Variants in SNAP25 observed in about 807,000 individuals in gnomAD.
SNAP25 encodes synaptosomal-associated protein 25.
Under a neutral mutation model 28.7 loss-of-function variants are expected in SNAP25, and 3 were observed. The observed-to-expected ratio is 0.10, with a 90% CI of 0.05 to 0.27. SNAP25 has a LOEUF of 0.27. Among genes scored for constraint, SNAP25 ranks in the 10% least tolerant of loss-of-function variants. The pLI, the probability that SNAP25 is intolerant of heterozygous loss-of-function variation, is 1.00. For missense variants in SNAP25, 117 were observed against 278.7 expected, an observed-to-expected ratio of 0.42 and a Z score of 4.13; for synonymous variants, 61 against 88.1, an observed-to-expected ratio of 0.69 and a Z score of 1.72.
chr20:10,292,608 T>C (rs2064022871), intron 4 of SNAP25, among the ~76,000 whole-genome samples: 1 of 152,156 alleles, frequency 6.6e-6, no homozygotes, highest in South Asian at 2.1e-4. Context: ...AGTAAGCGAA[T>C]ATGCTGTGCT....
At chr20:10,283,666 ATCTC>A (rs1290007802) in intron 3 of SNAP25, among the ~76,000 whole-genome samples, 1 of 152,248 alleles carries the variant, frequency 6.6e-6, no homozygotes, top group African/African-American at 2.4e-5. Flanking sequence ...CTCCACTAGT[ATCTC>A]TCTCTTTCTT....
At position 10,290,414 on chromosome 20, in the gene SNAP25, A is replaced by G. The variant is rs362589; in HGVS notation, c.164-2747A>G. Among the ~76,000 whole-genome samples the G allele has an allele frequency of 9.3e-3, 1,410 of 152,260 alleles. 35 individuals carry two copies. Among genetic ancestry groups the G allele is most frequent in the African/African-American group, 0.032 (1,315 of 41,554 alleles). On this transcript the variant is annotated intron_variant, in intron 4 of 7. Coordinates refer to ENST00000254976, the MANE Select transcript of SNAP25 (RefSeq NM_130811.4). ...TTTTCTGAATCAAATTCAGCTTCAGAGTTTTCTCTTTTAGTCAAAACTTTG... is the reference window on the plus strand; with the variant it reads ...TTTTCTGAATCAAATTCAGCTTCAGGGTTTTCTCTTTTAGTCAAAACTTTG...
chr20:10,254,050 A>G (rs998044326), intron 1 of SNAP25, among the ~76,000 whole-genome samples: 5 of 152,080 alleles, frequency 3.3e-5, no homozygotes, highest in African/African-American at 1.2e-4. Flanking sequence ...GAGCTACAAG[A>G]TTTATCCCCG....
chr20:10,260,969 A>C (rs1482781176), intron 1 of SNAP25, among the ~76,000 whole-genome samples: 2 of 152,182 alleles, frequency 1.3e-5, no homozygotes, highest in Non-Finnish European at 2.9e-5. Flanking sequence ...CTATCCTAGA[A>C]GTCTGTATCT....
chr20:10,300,689 TA>T (rs1325185324), intron 7 of SNAP25, among the ~76,000 whole-genome samples: 1 of 152,214 alleles, frequency 6.6e-6, no homozygotes, highest in Non-Finnish European at 1.5e-5. Flanking sequence ...TACTCCATGT[TA>T]AAAATATCTG....
chr20:10,250,997 G>A (rs560050425), intron 1 of SNAP25, among the ~76,000 whole-genome samples: 3 of 152,108 alleles, frequency 2.0e-5, no homozygotes, highest in Non-Finnish European at 4.4e-5. Context: ...TTTACACAAC[G>A]ATGAAATCAC....
At chr20:10,265,805 C>G (rs2063496809) in intron 1 of SNAP25, among the ~76,000 whole-genome samples, 1 of 152,140 alleles carries the variant, frequency 6.6e-6, no homozygotes, top group South Asian at 2.1e-4. Context: ...CACCTACCAG[C>G]CTAATATGGA....
rs200478757 is a variant in SNAP25, at chr20:10,301,855, TAACTA to T, written c.552+2444_552+2448del. ...TAATAACCTTATATATATAAATAAA[TAACTA>T]TATATATTATATAATATATAATATA... is the stretch of plus-strand genomic sequence containing the variant. On this transcript the variant is annotated intron_variant, in intron 7 of 7. Coordinates refer to ENST00000254976, the MANE Select transcript of SNAP25 (RefSeq NM_130811.4). Among the ~76,000 whole-genome samples, 573 of 145,654 alleles carry T rather than the reference TAACTA, an allele frequency of 3.9e-3. 3 individuals are homozygous for T. The highest frequency in any genetic ancestry group is 0.014 in the African/African-American group (545 of 39,434).
chr20:10,227,619 G>T (rs2062757278), intron 1 of SNAP25, among the ~76,000 whole-genome samples: 1 of 152,074 alleles, frequency 6.6e-6, no homozygotes, highest in Admixed American at 6.6e-5. Flanking sequence ...CTAATCTGTT[G>T]TTTTATCACT....
chr20:10,232,638 A>G (rs1011284246), intron 1 of SNAP25, among the ~76,000 whole-genome samples: 1 of 152,194 alleles, frequency 6.6e-6, no homozygotes, highest in Non-Finnish European at 1.5e-5. Flanking sequence ...TTGTGCCTCC[A>G]CCATAGACTA....
intron 1 of SNAP25, among the ~76,000 whole-genome samples, chr20:10,256,836 A>T (rs1396634434): frequency 6.6e-6 from 1 of 152,232 alleles, no homozygotes; most frequent in African/African-American, 2.4e-5. Flanking sequence ...AAATCTTAAT[A>T]TGTTATGTGA....
intron 1 of SNAP25, among the ~76,000 whole-genome samples, chr20:10,266,704 A>C (rs572417256): frequency 1.3e-4 from 20 of 152,334 alleles, no homozygotes; most frequent in Non-Finnish European, 2.5e-4. Context: ...AAAAGCAATA[A>C]TGCACTATGA....
At chr20:10,249,881 A>G (rs2063195191) in intron 1 of SNAP25, among the ~76,000 whole-genome samples, 1 of 152,204 alleles carries the variant, frequency 6.6e-6, no homozygotes, top group Admixed American at 6.5e-5. Flanking sequence ...GTCTAGTGTT[A>G]GACCTAAAGG....
Position 10,285,825 on chromosome 20 carries a change from C to G in SNAP25, c.163+1053C>G, listed in dbSNP as rs1190559354. 2.0e-5 allele frequency among the ~76,000 whole-genome samples: 3 copies of G among 152,088 alleles called. 1 individual carries two copies. The highest frequency in any genetic ancestry group is 2.9e-5 in the Non-Finnish European group (2 of 68,016). On this transcript the variant is annotated intron_variant, in intron 4 of 7. Transcript: ENST00000254976. ...AGACGTCATCACAGATGTATGAAAC[C>G]ATGCTCTAATCACCAACAATGACAA... is the stretch of plus-strand genomic sequence containing the variant.
At chr20:10,289,295 G>C (rs2063948049) in intron 4 of SNAP25, among the ~76,000 whole-genome samples, 1 of 152,132 alleles carries the variant, frequency 6.6e-6, no homozygotes, top group Non-Finnish European at 1.5e-5. Flanking sequence ...AAATGACCCT[G>C]GCACTAATGT....
In SNAP25 at chr20:10,307,101, G is replaced by A. The variant is rs1002122369; in HGVS notation, c.*904G>A. 1.3e-5 allele frequency: 2 copies of A among 152,362 alleles called. No individual in the cohort carries two copies. Among genetic ancestry groups the A allele is most frequent in the South Asian group, 2.1e-4 (1 of 4,822 alleles). The allele number at this position is 152,362 out of a possible 1,614,324, so 9.4% of individuals were successfully genotyped here. A position where few individuals can be genotyped will look rare whatever the true frequency, so the allele number is the denominator to read the frequency against. On this transcript the variant is annotated 3_prime_UTR_variant, in exon 8 of 8. Coordinates refer to ENST00000254976, the MANE Select transcript of SNAP25 (RefSeq NM_130811.4). The stretch of plus-strand genomic sequence containing the variant: ...TGCTGCTTTTGATGGCTATGTTTTG[G>A]AGAGAGCAATCTTGCTGTGAAACAG...
rs363044 is a variant in SNAP25, at chr20:10,246,132, G to A, written c.-64+27155G>A. Among the ~76,000 whole-genome samples, 679 of 152,312 alleles carry A rather than the reference G, an allele frequency of 4.5e-3. 15 individuals are homozygous for A. In the East Asian group the frequency reaches 0.066, roughly 15 times the overall value. On this transcript the variant is annotated intron_variant, in intron 1 of 7. Coordinates refer to ENST00000254976, the MANE Select transcript of SNAP25 (RefSeq NM_130811.4). Reference sequence around the variant, plus strand: ...AAACTTGGAATTCCAGTGGCTTCACGGAGAGCATATTGATTCTAAGCTGAG... The same window carrying A: ...AAACTTGGAATTCCAGTGGCTTCACAGAGAGCATATTGATTCTAAGCTGAG...
At chr20:10,299,924 A>G (rs2064194811) in intron 7 of SNAP25, among the ~76,000 whole-genome samples, 1 of 152,232 alleles carries the variant, frequency 6.6e-6, no homozygotes, top group South Asian at 2.1e-4. Context: ...GAGGTGGTGA[A>G]GGGATAGAAT....
At chr20:10,231,256 T>A (rs1600645589) in intron 1 of SNAP25, among the ~76,000 whole-genome samples, 6 of 152,262 alleles carry the variant, frequency 3.9e-5, no homozygotes, top group Admixed American at 3.9e-4. Context: ...CCAATTGCCC[T>A]TGGGAAAAGG....
Sources: gnomAD v4.1 joint callset for allele counts (sites outside exome capture counted in the v4.1 genomes callset) on GRCh38, gnomAD v4.1.1 for gene constraint, MANE v1.5 for transcripts, NCBI Gene and HGNC (gene_info 2026-07-23, HGNC 2026-07-21) for gene names.